The following RPS6KB2 variants were observed in gnomAD, a reference collection of about 807,000 sequenced individuals.
RPS6KB2 encodes ribosomal protein S6 kinase beta-2.
RPS6KB2 carries 51 observed loss-of-function variants against 58.2 expected under a neutral mutation model. The observed-to-expected ratio is 0.88, with a 90% confidence interval of 0.70 to 1.11. The LOEUF (loss-of-function observed/expected upper bound fraction) is 1.11, where lower values mean the gene tolerates loss of function less well. RPS6KB2 is among the 50% of genes least tolerant of loss of function. The pLI is 0.00. For synonymous variants in RPS6KB2, 293 were observed against 258.6 expected (o/e 1.13, Z -1.28); for missense variants, 671 against 655.8 (o/e 1.02, Z -0.25).
At chr11:67,430,506 A>T (rs1242381423) in intron 4 of RPS6KB2, 2 of 151,582 alleles carry the variant, frequency 1.3e-5, no homozygotes. Context: ...CATGTTGGTC[A>T]GGCTGGTCTT....
chr11:67,428,842 G>C, intron 1 of RPS6KB2, 140 bp from the exon 2 acceptor site: 1 of 1,099,460 alleles, frequency 9.1e-7, no homozygotes, highest in South Asian at 1.3e-5. Context: ...CCTGCCTTCG[G>C]TTTCTTCCCA....
At chr11:67,434,906 G>A in intron 14 of RPS6KB2, 83 bp from the exon 15 acceptor site, 3 of 1,379,800 alleles carry the variant, frequency 2.2e-6, no homozygotes, top group Non-Finnish European at 3.0e-6. Context: ...GGGCAGGTGG[G>A]AAAGGCTGCC....
Position 67,433,232 on chromosome 11 carries a change from G to A in RPS6KB2, c.798+16G>A, listed in dbSNP as rs577732792. The A allele has an allele frequency of 1.7e-5, 28 of 1,606,800 alleles. No individual in the cohort carries two copies. Among genetic ancestry groups the A allele is most frequent in the Middle Eastern group, 1.6e-4 (1 of 6,062 alleles). On this transcript the variant is annotated intron_variant, in intron 9 of 14. Coordinates refer to ENST00000312629, the MANE Select transcript of RPS6KB2 (RefSeq NM_003952.3). ...CACTGGATCGGCAAGTCCAGCCCCC[G>A]GGGAGGAGGAGGGGCAGGGGCAGAG...
chr11:67,432,687 C>T, intron 6 of RPS6KB2, 30 bp downstream of exon 6: 2 of 1,613,810 alleles, frequency 1.2e-6, no homozygotes, highest in Non-Finnish European at 1.7e-6. Flanking sequence ...TTTCCTGAGG[C>T]TGCCAGGTCC....
intron 5 of RPS6KB2, 32 bp from the exon 6 acceptor site, chr11:67,432,568 A>T: frequency 6.2e-7 from 1 of 1,613,546 alleles, no homozygotes; most frequent in Non-Finnish European, 8.5e-7. Flanking sequence ...GCTTGGACCC[A>T]GCACGTGGCT....
rs779752969 is a variant in RPS6KB2, at chr11:67,434,026, G to T, written c.938G>T (p.Gly313Val). 6.2e-7 allele frequency: 1 copy of T among 1,614,152 alleles called. No individual in the cohort carries two copies. The highest frequency in any genetic ancestry group is 1.7e-5 in the Admixed American group (1 of 60,026). ...FLKRNPSQRI[G>V]GGPGDAADVQ... Reference sequence around the variant, plus strand: ...AAACGGAATCCCAGCCAGCGGATTGGGGGTGGCCCAGGGGATGCTGCTGAT... The same window carrying T: ...AAACGGAATCCCAGCCAGCGGATTGTGGGTGGCCCAGGGGATGCTGCTGAT... The change falls in exon 11 of 15, where the codon GGG (glycine) becomes GTG (valine). Residue 313 changes from glycine (G) to valine (V), a missense_variant. Transcript: ENST00000312629.
chr11:67,433,362 G>T lies in RPS6KB2; in HGVS notation c.821G>T (p.Arg274Leu). The T allele has an allele frequency of 2.5e-6, 4 of 1,613,832 alleles. No individual in the cohort carries two copies. The highest frequency in any genetic ancestry group is 3.4e-6 in the Non-Finnish European group (4 of 1,179,892). The change falls in exon 10 of 15, where the codon CGG (arginine) becomes CTG (leucine). Residue 274 changes from arginine to leucine, a missense_variant. Transcript: ENST00000312629. ...TGSPPFTAEN[R>L]KKTMDKIIRG... is the part of the protein sequence containing the mutation. The stretch of plus-strand genomic sequence containing the variant: ...CAGCCGCCCTTCACCGCAGAGAACC[G>T]GAAGAAAACCATGGATAAGATCATC...
chr11:67,429,971 A>C (rs1163800292), intron 4 of RPS6KB2: 2 of 176,418 alleles, frequency 1.1e-5, no homozygotes, highest in Non-Finnish European at 2.4e-5. Context: ...TTGCCACCAC[A>C]CCCAGCTAAT....
chr11:67,432,868 G>T, intron 7 of RPS6KB2, 31 bp downstream of exon 7: 1 of 1,607,280 alleles, frequency 6.2e-7, no homozygotes, highest in Non-Finnish European at 8.5e-7. Context: ...AGCTGCAGGC[G>T]GGGTCTGCAA....
chr11:67,429,170 T>C lies in RPS6KB2; in HGVS notation c.170T>C (p.Val57Ala). 2 of 1,613,904 alleles carry C rather than the reference T, an allele frequency of 1.2e-6. No individual in the cohort carries two copies. The highest frequency in any genetic ancestry group is 4.5e-5 in the East Asian group (2 of 44,880). ...EVELTETSVN[V>A]GPERIGPHCF... ...GAGCTGACTGAGACCAGCGTGAACG[T>C]TGGCCCAGAGCGCATCGGGCCCCAC... is the stretch of plus-strand genomic sequence containing the variant. Residue 57 changes from valine (V) to alanine (A), a missense_variant, in exon 3 of 15, where the codon GTT becomes GCT. Physicochemically the swap from Val to Ala is moderately conservative, Grantham distance 64. Coordinates refer to ENST00000312629, the MANE Select transcript of RPS6KB2 (RefSeq NM_003952.3).
chr11:67,434,603 T>C lies in RPS6KB2; in HGVS notation c.1177T>C (p.Ser393Pro), dbSNP rs750809424. ...AFLGFTYVAP[S>P]VLDSIKEGFS... ...CCAGGGCTTCACATACGTGGCGCCG[T>C]CTGTCCTGGACAGCATCAAGGAGGG... The change falls in exon 14 of 15, where the codon TCT becomes CCT. Residue 393 changes from serine (S) to proline (P), a missense_variant. Physicochemically the swap from Ser to Pro is moderately conservative, Grantham distance 74. Coordinates refer to ENST00000312629, the MANE Select transcript of RPS6KB2 (RefSeq NM_003952.3). 1.0e-5 allele frequency: 16 copies of C among 1,607,468 alleles called. No homozygotes were observed. The South Asian group carries it at 1.5e-4, about 16-fold the overall frequency.
At chr11:67,431,720 T>G in intron 5 of RPS6KB2, 1 of 558,510 alleles carries the variant, frequency 1.8e-6, no homozygotes, top group Non-Finnish European at 3.2e-6. Context: ...GCACCTACTG[T>G]GTCCCTCACG....
intron 1 of RPS6KB2, 136 bp downstream of exon 1, chr11:67,428,759 T>A: frequency 1.0e-6 from 1 of 956,422 alleles, no homozygotes. Context: ...TCCCGGTCTC[T>A]ATTAAGTTCT....
chr11:67,429,393 C>T (rs1863950965), intron 3 of RPS6KB2, 134 bp from the exon 4 acceptor site: 6 of 1,362,614 alleles, frequency 4.4e-6, no homozygotes, highest in East Asian at 2.4e-5. Flanking sequence ...CCTCTCCAAT[C>T]GGACTTGAAA....
Position 67,429,224 on chromosome 11 carries a change from A to C in RPS6KB2, c.224A>C (p.Lys75Thr). The part of the protein sequence containing the change: ...HCFELLRVLG[K>T]GGYGKVFQVR... Reference sequence around the variant, plus strand: ...TTTGAGCTGCTGCGTGTGCTGGGCAAGGGGGGCTATGGCAAGGTAGGGGCG... The same window carrying C: ...TTTGAGCTGCTGCGTGTGCTGGGCACGGGGGGCTATGGCAAGGTAGGGGCG... Residue 75 changes from lysine to threonine, a missense_variant, in exon 3 of 15, where the codon AAG becomes ACG. Physicochemically the swap from Lys to Thr is moderately conservative, Grantham distance 78 (BLOSUM62 -1). Transcript: ENST00000312629. 1 of 1,613,362 alleles carries C rather than the reference A, an allele frequency of 6.2e-7. No homozygotes were observed. The highest frequency in any genetic ancestry group is 8.5e-7 in the Non-Finnish European group (1 of 1,179,996).
In RPS6KB2 at chr11:67,434,972, C is replaced by T. The variant is rs1355590756; in HGVS notation, c.1269-17C>T. 5.0e-6 allele frequency: 8 copies of T among 1,611,930 alleles called. No homozygotes were observed. In the African/African-American group the frequency reaches 1.1e-4, roughly 22 times the overall value. On this transcript the variant is annotated splice_polypyrimidine_tract_variant and intron_variant, in intron 14 of 14. Transcript: ENST00000312629. ...AGGGCCTAGGAGGCTCTTATTCTGC[C>T]TTGGTTTCCCCTGCAGCCCCCTCAA... is the stretch of plus-strand genomic sequence containing the variant.
chr11:67,432,257 C>T, intron 5 of RPS6KB2: 1 of 553,928 alleles, frequency 1.8e-6, no homozygotes, highest in South Asian at 1.5e-5. Context: ...ACTCTGTCTT[C>T]CCTGTCTTCT....
chr11:67,429,577 C>T lies in RPS6KB2; in HGVS notation c.291C>T (p.Ala97=), dbSNP rs1472002016. The T allele has an allele frequency of 1.2e-6, 2 of 1,612,446 alleles. No homozygotes were observed. The highest frequency in any genetic ancestry group is 2.7e-5 in the African/African-American group (2 of 74,916). The part of the protein sequence containing the change: ...VQGTNLGKIY[A]MKVLRKAKIV... ...GCACCAACTTGGGCAAAATATATGC[C>T]ATGAAAGTCCTAAGGAAGGTGAGTC... Residue 97 remains alanine (A), a synonymous_variant, in exon 4 of 15, where the codon GCC becomes GCT. Transcript: ENST00000312629.
intron 1 of RPS6KB2, 51 bp from the exon 2 acceptor site, chr11:67,428,931 G>A (rs1284727100): frequency 6.2e-6 from 10 of 1,608,742 alleles, no homozygotes; most frequent in Non-Finnish European, 8.5e-6. Context: ...GAACGGGAGC[G>A]GGGAGGTATC....
Sources: gnomAD v4.1 joint callset for allele counts on GRCh38, gnomAD v4.1.1 for gene constraint, MANE v1.5 for transcripts, NCBI Gene and HGNC (gene_info 2026-07-23, HGNC 2026-07-21) for gene names.